The following CTIF variants were observed in gnomAD, a reference collection of about 807,000 sequenced individuals.
CTIF encodes the protein cap binding complex dependent translation initiation factor, also known as CBP80/20-dependent translation initiation factor.
Under a neutral mutation model 66.0 loss-of-function variants are expected in CTIF, and 21 were observed. The observed-to-expected ratio is 0.32, with a 90% CI of 0.23 to 0.46. The LOEUF (loss-of-function observed/expected upper bound fraction) is 0.46. Ranked by LOEUF, CTIF falls within the 20% of genes least tolerant of loss-of-function variation. The probability of loss-of-function intolerance (pLI) is 1.00; values close to 1 mark genes in which losing one functional copy is unlikely to be tolerated. For synonymous variants in CTIF, 345 were observed against 326.4 expected, an observed-to-expected ratio of 1.06 and a Z score of -0.62; for missense variants, 739 against 812.7, an observed-to-expected ratio of 0.91 and a Z score of 1.10.
At chr18:48,686,666 G>A (rs2091846073) in intron 6 of CTIF, among the ~76,000 whole-genome samples, 1 of 152,104 alleles carries the variant, frequency 6.6e-6, no homozygotes, top group Non-Finnish European at 1.5e-5. Flanking sequence ...GTAGTTTCCT[G>A]GCTATGTGGA....
intron 10 of CTIF, among the ~76,000 whole-genome samples, chr18:48,832,625 G>A (rs532581378): frequency 6.6e-6 from 1 of 152,296 alleles, no homozygotes; most frequent in South Asian, 2.1e-4. Context: ...TGTGTGGAAG[G>A]CACAATTAGC....
At chr18:48,643,245 A>G (rs528865388) in intron 3 of CTIF, among the ~76,000 whole-genome samples, 1 of 152,368 alleles carries the variant, frequency 6.6e-6, no homozygotes, top group South Asian at 2.1e-4. Context: ...GAAAAGGCAT[A>G]CACATTTATT....
At chr18:48,730,366 C>T (rs1467288541) in intron 7 of CTIF, among the ~76,000 whole-genome samples, 1 of 143,080 alleles carries the variant, frequency 7.0e-6, no homozygotes, top group East Asian at 2.2e-4. Flanking sequence ...GTGTGAGGGG[C>T]CCCTGCGGTG....
At chr18:48,851,805 C>G (rs779206818) in intron 10 of CTIF, among the ~76,000 whole-genome samples, 1 of 152,228 alleles carries the variant, frequency 6.6e-6, no homozygotes, top group Non-Finnish European at 1.5e-5. Flanking sequence ...CCCACTCTGT[C>G]TGGAGTTTCA....
intron 1 of CTIF, among the ~76,000 whole-genome samples, chr18:48,543,418 G>A (rs766416612): frequency 2.0e-5 from 3 of 152,172 alleles, no homozygotes; most frequent in Non-Finnish European, 2.9e-5. Context: ...GGCACCCTGA[G>A]CTCAGCTGCT....
chr18:48,680,745 TC>T (rs2091726301), intron 6 of CTIF, among the ~76,000 whole-genome samples: 1 of 152,252 alleles, frequency 6.6e-6, no homozygotes, highest in African/African-American at 2.4e-5. Flanking sequence ...CGGTCCAGCA[TC>T]TTCCCTCCTC....
intron 1 of CTIF, among the ~76,000 whole-genome samples, chr18:48,593,604 G>A (rs1462690726): frequency 4.0e-5 from 6 of 151,788 alleles, no homozygotes; most frequent in African/African-American, 9.7e-5. Flanking sequence ...GGATGGTCTC[G>A]ATCTCCTGAC....
chr18:48,612,615 G>C (rs1465716733), intron 1 of CTIF, among the ~76,000 whole-genome samples: 1 of 152,250 alleles, frequency 6.6e-6, no homozygotes, highest in Non-Finnish European at 1.5e-5. Context: ...GAAGACGCCA[G>C]TGGCTGTGAT....
intron 6 of CTIF, among the ~76,000 whole-genome samples, chr18:48,685,894 C>A (rs1274025147): frequency 6.6e-6 from 1 of 152,060 alleles, no homozygotes; most frequent in African/African-American, 2.4e-5. Context: ...CCGGGCTGAT[C>A]TCAAGCTCCT....
At chr18:48,733,477 C>A (rs564522867) in intron 7 of CTIF, among the ~76,000 whole-genome samples, 1 of 152,310 alleles carries the variant, frequency 6.6e-6, no homozygotes, top group East Asian at 1.9e-4. Context: ...GTGGGGTGCT[C>A]TCAGACACTG....
chr18:48,578,730 G>A lies in CTIF; in HGVS notation c.-29+39418G>A, dbSNP rs76927519. On this transcript the variant is annotated intron_variant, in intron 1 of 11. Coordinates refer to ENST00000256413, the MANE Select transcript of CTIF (RefSeq NM_014772.3). ...TATTGTTGAATTGTAAGAGTTCTTC[G>A]TATACTCTAAATACTAGACCCTTAC... is the stretch of plus-strand genomic sequence containing the variant. Among the ~76,000 whole-genome samples the A allele has an allele frequency of 8.7e-3, 1,322 of 152,202 alleles. 17 individuals are homozygous for A. The highest frequency in any genetic ancestry group is 0.03 in the African/African-American group (1,266 of 41,524).
At chr18:48,582,224 G>A (rs746492246) in intron 1 of CTIF, among the ~76,000 whole-genome samples, 4 of 152,018 alleles carry the variant, frequency 2.6e-5, no homozygotes, top group African/African-American at 4.8e-5. Context: ...GTCCTGGGCC[G>A]GAGAGTAGAG....
At chr18:48,683,007 G>GTGTGCCACACA (rs2091773138) in intron 6 of CTIF, 1 of 152,270 alleles carries the variant, frequency 6.6e-6, no homozygotes, top group Non-Finnish European at 1.5e-5. Context: ...TCCTTCCAGC[G>GTGTGCCACACA]CACTGCTTTG....
At chr18:48,589,743 A>T (rs1336121573) in intron 1 of CTIF, among the ~76,000 whole-genome samples, 1 of 152,098 alleles carries the variant, frequency 6.6e-6, no homozygotes, top group Non-Finnish European at 1.5e-5. Flanking sequence ...ACATTTTGCT[A>T]GTCTTGGATG....
intron 10 of CTIF, among the ~76,000 whole-genome samples, 191 bp from the exon 11 acceptor site, chr18:48,857,397 C>G (rs1461753786): frequency 2.0e-5 from 3 of 152,218 alleles, no homozygotes; most frequent in Admixed American, 2.0e-4. Flanking sequence ...GGAGAAATCA[C>G]GGCCACCCGG....
At chr18:48,680,828 T>C (rs923602429) in intron 6 of CTIF, among the ~76,000 whole-genome samples, 1 of 152,204 alleles carries the variant, frequency 6.6e-6, no homozygotes, top group Non-Finnish European at 1.5e-5. Flanking sequence ...AAGCATCCAT[T>C]ATTCCTTTAT....
chr18:48,584,686 C>T (rs2089729548), intron 1 of CTIF, among the ~76,000 whole-genome samples: 1 of 152,202 alleles, frequency 6.6e-6, no homozygotes, highest in Admixed American at 6.5e-5. Flanking sequence ...CAGGCCTCCT[C>T]TGACTGTCTG....
At chr18:48,751,033 T>G (rs1907761613) in intron 7 of CTIF, among the ~76,000 whole-genome samples, 1 of 152,164 alleles carries the variant, frequency 6.6e-6, no homozygotes, top group Admixed American at 6.5e-5. Context: ...CTCTGGAAAA[T>G]GGAGTGAACA....
At chr18:48,611,833 C>G (rs575741726) in intron 1 of CTIF, among the ~76,000 whole-genome samples, 1 of 152,168 alleles carries the variant, frequency 6.6e-6, no homozygotes, top group Non-Finnish European at 1.5e-5. Flanking sequence ...ATGCTGAGAT[C>G]GTGACCCAGG....
Sources: allele counts gnomAD v4.1 joint callset (sites outside exome capture counted in the v4.1 genomes callset), GRCh38; gene constraint gnomAD v4.1.1; transcripts MANE v1.5; gene names NCBI Gene and HGNC (gene_info 2026-07-23, HGNC 2026-07-21).